CAPN8: variants seen among roughly 807,000 people sequenced by gnomAD.
CAPN8 encodes the protein calpain 8.
Under a neutral mutation model 80.9 loss-of-function variants are expected in CAPN8, and 87 were observed. The ratio of observed to expected loss-of-function variants is 1.07; its 90% CI spans 0.90 to 1.28. CAPN8 has a LOEUF of 1.28. Ranked by LOEUF, CAPN8 falls within the 50% of genes most tolerant of loss-of-function variation. CAPN8 has a pLI of 0.00. For synonymous variants in CAPN8, 299 were observed against 273.8 expected (o/e 1.09, Z -0.91); for missense variants, 757 against 702.0 (o/e 1.08, Z -0.89).
chr1:223,622,381 G>T (rs35568612), intron 7 of CAPN8, among the ~76,000 whole-genome samples: 80,285 of 151,920 alleles, frequency 0.53, 21,906 homozygotes, highest in African/African-American at 0.64. Context: ...CAGGGCCCGG[G>T]GCTCCTAGGG....
intron 7 of CAPN8, 60 bp from the exon 8 acceptor site, chr1:223,620,326 G>A (rs1377189914): frequency 1.4e-6 from 2 of 1,415,382 alleles, no homozygotes; most frequent in African/African-American, 2.8e-5. Flanking sequence ...AGGGCAAGCT[G>A]TTTACTGCAG....
intron 10 of CAPN8, among the ~76,000 whole-genome samples, chr1:223,615,036 T>C (rs1657130453): frequency 6.6e-6 from 1 of 152,238 alleles, no homozygotes; most frequent in Non-Finnish European, 1.5e-5. Flanking sequence ...CCCTAAACTC[T>C]AAAGCCCTAA....
intron 10 of CAPN8, chr1:223,615,752 C>T (rs1394521401): frequency 1.5e-6 from 1 of 676,794 alleles, no homozygotes; most frequent in Admixed American, 2.0e-5. Context: ...TATCACACAT[C>T]TCAATGTTAA....
rs532419429 is a variant in CAPN8, at chr1:223,547,204, G to A, written c.1765-1905C>T. 2.0e-4 allele frequency among the ~76,000 whole-genome samples: 30 copies of A among 152,144 alleles called. No individual in the cohort carries two copies. In the South Asian group the frequency reaches 5.8e-3, roughly 29 times the overall value. ...TGGGATGACAGGCATCAGCCCCTGC[G>A]CCCCGTCAATTTTTAAAATTTTTTT... On this transcript the variant is annotated intron_variant, in intron 16 of 20. Transcript: ENST00000366872.
At chr1:223,650,092 CAAGA>C (rs1310067960) in intron 2 of CAPN8, among the ~76,000 whole-genome samples, 1 of 152,030 alleles carries the variant, frequency 6.6e-6, no homozygotes, top group East Asian at 1.9e-4. Context: ...AGTGGTAGAT[CAAGA>C]GAGAGAGAGG....
At chr1:223,647,067 G>A (rs541174646) in intron 2 of CAPN8, among the ~76,000 whole-genome samples, 16 of 152,204 alleles carry the variant, frequency 1.1e-4, no homozygotes, top group Middle Eastern at 3.4e-3. Context: ...AGGCTCACTG[G>A]CAATTTTGCA....
chr1:223,553,263 G>A (rs1656837853), intron 14 of CAPN8, among the ~76,000 whole-genome samples: 1 of 152,194 alleles, frequency 6.6e-6, no homozygotes, highest in Non-Finnish European at 1.5e-5. Context: ...GCCAGGGCAG[G>A]GGAGAAGGAT....
intron 6 of CAPN8, among the ~76,000 whole-genome samples, chr1:223,625,018 G>GGA (rs1657522106): frequency 2.0e-5 from 3 of 152,128 alleles, no homozygotes; most frequent in Non-Finnish European, 4.4e-5. Context: ...GCGTGAACCC[G>GGA]AGAGGCGGAG....
At chr1:223,653,217 A>G (rs958249990) in intron 2 of CAPN8, among the ~76,000 whole-genome samples, 12 of 151,250 alleles carry the variant, frequency 7.9e-5, no homozygotes, top group African/African-American at 2.9e-4. Context: ...TGTGGTTTTC[A>G]GGCAACGGGG....
Position 223,619,442 on chromosome 1 carries a change from GAA to G in CAPN8, c.984_985del (p.Ser329ArgfsTer21). 1 of 1,551,608 alleles carries G rather than the reference GAA, an allele frequency of 6.4e-7. No homozygotes were observed. The highest frequency in any genetic ancestry group is 8.7e-7 in the Non-Finnish European group (1 of 1,146,970). On this transcript the variant is annotated frameshift_variant, in exon 9 of 21. Transcript: ENST00000366872. LOFTEE classifies it high-confidence loss of function. ...CCGAGAGAACTGCCTCACGAAATCT[GAA>G]AGTGACATCCTGGGGCAGAGGCACC...
At chr1:223,657,563 TC>T (rs1658531721) in intron 1 of CAPN8, among the ~76,000 whole-genome samples, 1 of 151,788 alleles carries the variant, frequency 6.6e-6, no homozygotes, top group Non-Finnish European at 1.5e-5. Flanking sequence ...GGTCAGGAGT[TC>T]AAGACCAACC....
intron 8 of CAPN8, among the ~76,000 whole-genome samples, 180 bp from the exon 9 acceptor site, chr1:223,619,633 C>T (rs536423665): frequency 8.5e-5 from 13 of 152,328 alleles, no homozygotes; most frequent in African/African-American, 3.1e-4. Context: ...TCTTCACTAG[C>T]GCTAGCTTCT....
Position 223,544,801 on chromosome 1 carries a change from T to A in CAPN8, c.1883A>T (p.His628Leu). ...CTTCCTGAGGGCTGTCCTCATCTCG[T>A]GGGCATCGATGGTGCCCGAGTGGTT... ...DYNHSGTIDA[H>L]EMRTALRKAG... The change falls in exon 18 of 21, where the codon CAC (histidine) becomes CTC (leucine). Residue 628 changes from histidine to leucine, a missense_variant. Transcript: ENST00000366872. The A allele has an allele frequency of 6.4e-7, 1 of 1,551,732 alleles. No homozygotes were observed. Among genetic ancestry groups the A allele is most frequent in the South Asian group, 1.2e-5 (1 of 84,060 alleles).
chr1:223,654,211 C>A (rs11585533), intron 2 of CAPN8, 119 bp downstream of exon 2: 367,018 of 810,718 alleles, frequency 0.45, 87,401 homozygotes, highest in Non-Finnish European at 0.5. Flanking sequence ...CAAACCCAGA[C>A]GGACACATCA....
At chr1:223,626,446 C>G (rs1377269052) in intron 5 of CAPN8, among the ~76,000 whole-genome samples, 1 of 152,150 alleles carries the variant, frequency 6.6e-6, no homozygotes, top group Non-Finnish European at 1.5e-5. Context: ...AGCCAGAGGG[C>G]AGCTGGTCAC....
At chr1:223,639,770 A>C (rs1053397154) in intron 2 of CAPN8, among the ~76,000 whole-genome samples, 1 of 152,238 alleles carries the variant, frequency 6.6e-6, no homozygotes, top group South Asian at 2.1e-4. Context: ...CCTGTATTTG[A>C]ATCTGCCTGT....
chr1:223,663,403 C>A (rs1212813764), intron 1 of CAPN8, among the ~76,000 whole-genome samples: 1 of 152,148 alleles, frequency 6.6e-6, no homozygotes, highest in Non-Finnish European at 1.5e-5. Flanking sequence ...GGCTTTTCAC[C>A]ACCCAGTTGT....
intron 2 of CAPN8, among the ~76,000 whole-genome samples, chr1:223,634,695 C>G (rs560658816): frequency 6.6e-6 from 1 of 152,134 alleles, no homozygotes; most frequent in East Asian, 1.9e-4. Context: ...TGTCCTCAAA[C>G]GGCAGAAGGG....
intron 2 of CAPN8, among the ~76,000 whole-genome samples, chr1:223,647,762 G>A (rs1461931827): frequency 6.6e-6 from 1 of 152,188 alleles, no homozygotes; most frequent in Non-Finnish European, 1.5e-5. Context: ...CAATTATACT[G>A]AAAGTTATCA....
Sources: allele counts gnomAD v4.1 joint callset (sites outside exome capture counted in the v4.1 genomes callset), GRCh38; gene constraint gnomAD v4.1.1; transcripts MANE v1.5; gene names NCBI Gene and HGNC (gene_info 2026-07-23, HGNC 2026-07-21).